The following SGMS1 variants were observed in gnomAD, a reference collection of about 807,000 sequenced individuals.
SGMS1 encodes the protein sphingomyelin synthase 1.
In SGMS1, 13 loss-of-function variants were observed where a neutral mutation model predicts 46.2. The observed-to-expected ratio is 0.28, with a 90% CI of 0.18 to 0.45. SGMS1 has a LOEUF of 0.45. Ranked by LOEUF, SGMS1 falls within the 20% of genes least tolerant of loss-of-function variation. The pLI is 1.00. For missense variants in SGMS1, 324 were observed against 519.9 expected, an observed-to-expected ratio of 0.62 and a Z score of 3.66; for synonymous variants, 203 against 187.8, an observed-to-expected ratio of 1.08 and a Z score of -0.66.
intron 7 of SGMS1, chr10:50,341,224 A>G (rs546279807): frequency 3.5e-5 from 15 of 423,724 alleles, no homozygotes; most frequent in African/African-American, 1.8e-4. Flanking sequence ...AACCTTCTCT[A>G]TGAGAGCCAG....
intron 5 of SGMS1, among the ~76,000 whole-genome samples, chr10:50,438,849 T>C (rs1164085286): frequency 6.6e-6 from 1 of 152,184 alleles, no homozygotes; most frequent in East Asian, 1.9e-4. Context: ...CCTATTCTTG[T>C]CATTTGGAGG....
At chr10:50,492,748 T>C (rs1164873668) in intron 3 of SGMS1, among the ~76,000 whole-genome samples, 1 of 152,200 alleles carries the variant, frequency 6.6e-6, no homozygotes, top group Non-Finnish European at 1.5e-5. Flanking sequence ...TCTGATTCAA[T>C]GCTTTCCTAT....
At chr10:50,353,569 G>A (rs1420103069) in intron 6 of SGMS1, among the ~76,000 whole-genome samples, 1 of 152,296 alleles carries the variant, frequency 6.6e-6, no homozygotes, top group Non-Finnish European at 1.5e-5. Context: ...ATTCAACATA[G>A]TGTTGGAAGT....
At chr10:50,319,161 CAAA>C (rs5784829) in intron 8 of SGMS1, among the ~76,000 whole-genome samples, 12 of 107,822 alleles carry the variant, frequency 1.1e-4, no homozygotes, top group Non-Finnish European at 1.8e-4. Flanking sequence ...GATTTGCCAC[CAAA>C]AAAAAAAAAA....
intron 7 of SGMS1, 61 bp from the exon 8 acceptor site, chr10:50,327,383 G>C: frequency 1.0e-6 from 1 of 989,050 alleles, no homozygotes; most frequent in Non-Finnish European, 1.6e-6. Flanking sequence ...TTCATTTACT[G>C]TAATTTTTCA....
rs116838705 is a variant in SGMS1, at chr10:50,490,444, G to A, written c.-497-23512C>T. Among the ~76,000 whole-genome samples, 947 of 152,264 alleles carry A rather than the reference G, an allele frequency of 6.2e-3. 7 individuals carry two copies. Among genetic ancestry groups the A allele is most frequent in the African/African-American group, 0.022 (897 of 41,542 alleles). On this transcript the variant is annotated intron_variant, in intron 3 of 10. Transcript: ENST00000361781. ...ATCAGAGTCCCTACTGGCATTTAGT[G>A]GGTGGGTCCAAGGTAGCTAAATGTC...
At position 50,417,353 on chromosome 10, in the gene SGMS1, G is replaced by T. The variant is rs191826248; in HGVS notation, c.-232+16123C>A. On this transcript the variant is annotated intron_variant, in intron 6 of 10. Coordinates refer to ENST00000361781, the MANE Select transcript of SGMS1 (RefSeq NM_147156.4). ...TTATGATAAATATTTGTAGCATTCA[G>T]GGTAACAGAATTTAGGTCTCCAGAT... Among the ~76,000 whole-genome samples, 256 of 152,046 alleles carry T rather than the reference G, an allele frequency of 1.7e-3. 1 individual carries two copies. The highest frequency in any genetic ancestry group is 3.5e-3 in the African/African-American group (144 of 41,432).
intron 3 of SGMS1, among the ~76,000 whole-genome samples, chr10:50,468,300 AAGAG>A (rs1225558710): frequency 2.6e-5 from 4 of 152,188 alleles, no homozygotes; most frequent in Admixed American, 2.6e-4. Flanking sequence ...CATCAACAAA[AAGAG>A]AGAGATTCAT....
chr10:50,574,963 G>GTATA (rs143713324), intron 2 of SGMS1, among the ~76,000 whole-genome samples: 3,092 of 99,846 alleles, frequency 0.031, 154 homozygotes, highest in African/African-American at 0.085. Context: ...AAAATGTGGT[G>GTATA]TATATATATA....
intron 8 of SGMS1, among the ~76,000 whole-genome samples, chr10:50,320,434 T>C (rs1272854567): frequency 1.3e-5 from 2 of 152,200 alleles, no homozygotes; most frequent in Non-Finnish European, 2.9e-5. Flanking sequence ...AACAGGTGCA[T>C]ATAATTTGAT....
In SGMS1 at chr10:50,307,622, T is replaced by A. The variant is rs532160363; in HGVS notation, c.1063-301A>T. Among the ~76,000 whole-genome samples, 4 of 152,312 alleles carry A rather than the reference T, an allele frequency of 2.6e-5. No homozygotes were observed. The East Asian group carries it at 7.7e-4, about 29-fold the overall frequency. ...GTATTCCTCTTCTATGCTAAAAATG[T>A]TAACACTTAATTAAATGTTAAATAT... On this transcript the variant is annotated intron_variant, in intron 10 of 10. Transcript: ENST00000361781. This position sits in a 1 kb window ranked among gnomAD's most constrained non-coding sequence, Gnocchi z 4.2.
At chr10:50,557,638 T>C (rs1588876265) in intron 2 of SGMS1, among the ~76,000 whole-genome samples, 1 of 148,384 alleles carries the variant, frequency 6.7e-6, no homozygotes, top group Admixed American at 6.7e-5. Context: ...AATTAGAACC[T>C]GATATAAAAT....
chr10:50,401,422 G>A (rs1217107633), intron 6 of SGMS1, among the ~76,000 whole-genome samples: 4 of 152,088 alleles, frequency 2.6e-5, no homozygotes, highest in Non-Finnish European at 5.9e-5. Context: ...ACTGAGGCTC[G>A]GAGAGAGTTT....
chr10:50,351,737 A>G (rs1848017690), intron 6 of SGMS1, among the ~76,000 whole-genome samples: 1 of 152,176 alleles, frequency 6.6e-6, no homozygotes, highest in African/African-American at 2.4e-5. Context: ...GCCATGTGGA[A>G]CTGTAAGTCC....
rs553787724 is a variant in SGMS1, at chr10:50,375,447, C to A, written c.-231-31102G>T. 3.9e-5 allele frequency among the ~76,000 whole-genome samples: 6 copies of A among 152,252 alleles called. No homozygotes were observed. The East Asian group carries it at 1.2e-3, about 29-fold the overall frequency. The stretch of plus-strand genomic sequence containing the variant: ...AGCAGGCATGGCTCATGATAGCTAT[C>A]AACTGGAGTGGATTCAAATAAAGAC... On this transcript the variant is annotated intron_variant, in intron 6 of 10. Coordinates refer to ENST00000361781, the MANE Select transcript of SGMS1 (RefSeq NM_147156.4).
At chr10:50,459,961 T>C (rs1177455267) in intron 5 of SGMS1, 7 of 152,028 alleles carry the variant, frequency 4.6e-5, no homozygotes, top group East Asian at 3.9e-4. Context: ...GTGTTCTTCA[T>C]TGGTAGATGG....
intron 6 of SGMS1, among the ~76,000 whole-genome samples, chr10:50,352,563 T>A (rs1848038855): frequency 6.6e-6 from 1 of 152,212 alleles, no homozygotes; most frequent in Non-Finnish European, 1.5e-5. Context: ...AATACTTCGT[T>A]CATATCTAAG....
chr10:50,547,636 TCTA>T (rs1564429023), intron 2 of SGMS1, among the ~76,000 whole-genome samples: 1 of 152,142 alleles, frequency 6.6e-6, no homozygotes, highest in African/African-American at 2.4e-5. Context: ...TGGTACTATT[TCTA>T]CTGAAACTAT....
chr10:50,404,309 T>C (rs1848982419), intron 6 of SGMS1, among the ~76,000 whole-genome samples: 1 of 150,818 alleles, frequency 6.6e-6, no homozygotes, highest in Admixed American at 6.6e-5. Flanking sequence ...TGTTTTGTTT[T>C]GATTTTTTTT....
Sources: allele counts gnomAD v4.1 joint callset (sites outside exome capture counted in the v4.1 genomes callset), GRCh38; gene constraint gnomAD v4.1.1; non-coding constraint Gnocchi (gnomAD v3.1); transcripts MANE v1.5; gene names NCBI Gene and HGNC (gene_info 2026-07-23, HGNC 2026-07-21).